DNAJC13: variants seen among roughly 807,000 people sequenced by gnomAD.
The protein encoded by DNAJC13 is DnaJ heat shock protein family (Hsp40) member C13.
DNAJC13 carries 75 observed loss-of-function variants against 290.5 expected under a neutral mutation model. That is an observed-to-expected ratio of 0.26 (90% confidence interval 0.21 to 0.31). The LOEUF (loss-of-function observed/expected upper bound fraction) is 0.31. DNAJC13 is among the 10% of genes least tolerant of loss of function. The probability of loss-of-function intolerance (pLI) is 1.00; values close to 1 mark genes in which losing one functional copy is unlikely to be tolerated. For missense variants in DNAJC13, 2,260 were observed against 2,674.5 expected, an observed-to-expected ratio of 0.85 and a Z score of 3.42; for synonymous variants, 862 against 892.0, an observed-to-expected ratio of 0.97 and a Z score of 0.60.
At chr3:132,419,120 T>A (rs893425235) in intron 1 of DNAJC13, among the ~76,000 whole-genome samples, 1 of 152,188 alleles carries the variant, frequency 6.6e-6, no homozygotes, top group Admixed American at 6.5e-5. Flanking sequence ...GCAACACACG[T>A]CCTTGTGTAG....
rs868379761 is a variant in DNAJC13, at chr3:132,427,102, T to C, written c.-13-7436T>C. Among the ~76,000 whole-genome samples, 216 of 136,074 alleles carry C rather than the reference T, an allele frequency of 1.6e-3. No homozygotes were observed. In the East Asian group the frequency reaches 0.017, roughly 11 times the overall value. The allele number at this position is 136,074 out of a possible 152,430, so 89.3% of individuals were successfully genotyped here. A position where few individuals can be genotyped will look rare whatever the true frequency, so the allele number is the denominator to read the frequency against. On this transcript the variant is annotated intron_variant, in intron 1 of 55. Transcript: ENST00000260818. Reference sequence around the variant, plus strand: ...GTGTGTGTGTGTGTGTGTGTGTGTGTGCACGTGTGTGTGTGTGTATATATA... The same window carrying C: ...GTGTGTGTGTGTGTGTGTGTGTGTGCGCACGTGTGTGTGTGTGTATATATA...
In DNAJC13 at chr3:132,525,660, A is replaced by G. The variant is rs146881465; in HGVS notation, c.6111A>G (p.Ala2037=). 1,781 of 1,614,202 alleles carry G rather than the reference A, an allele frequency of 1.1e-3. No homozygotes were observed. Among genetic ancestry groups the G allele is most frequent in the Non-Finnish European group, 1.4e-3 (1,681 of 1,180,016 alleles). The change falls in exon 52 of 56, where the codon GCA becomes GCG. Residue 2037 remains alanine (A), a synonymous_variant. Transcript: ENST00000260818. The part of the protein sequence containing the change: ...LTMATVCLFS[A]QPQLADQVPP... ...TGGCAACAGTGTGTCTCTTCAGCGCACAACCTCAGCTGGCAGATCAGGTCC... is the reference window on the plus strand; with the variant it reads ...TGGCAACAGTGTGTCTCTTCAGCGCGCAACCTCAGCTGGCAGATCAGGTCC...
Position 132,466,061 on chromosome 3 carries a change from A to T in DNAJC13, c.1959A>T (p.Lys653Asn), listed in dbSNP as rs771064998. 8.1e-6 allele frequency: 13 copies of T among 1,613,720 alleles called. No individual in the cohort carries two copies. The Admixed American group carries it at 2.2e-4, about 27-fold the overall frequency. The change falls in exon 18 of 56, where the codon AAA becomes AAT. Residue 653 changes from lysine (K) to asparagine (N), a missense_variant. Physicochemically the swap from Lys to Asn is moderately conservative, Grantham distance 94. Coordinates refer to ENST00000260818, the MANE Select transcript of DNAJC13 (RefSeq NM_015268.4). ...ATGCAACTGCAACAAACTTGTTGAA[A>T]CGCATTTTGGTAAGTCAGTTGAGAA... ...ADNATATNLL[K>N]RILPPGLLAY... is the part of the protein sequence containing the mutation.
chr3:132,528,957 T>TA (rs1184875780), intron 54 of DNAJC13, among the ~76,000 whole-genome samples: 2 of 152,174 alleles, frequency 1.3e-5, no homozygotes, highest in East Asian at 3.8e-4. Flanking sequence ...CATTTTTTTT[T>TA]AATTGACGTG....
intron 1 of DNAJC13, among the ~76,000 whole-genome samples, chr3:132,432,331 T>C (rs936709816): frequency 2.2e-4 from 33 of 152,126 alleles, no homozygotes; most frequent in Admixed American, 9.2e-4. Context: ...GCCTCCCGGG[T>C]AGCTGGGATT....
At chr3:132,505,011 A>G (rs912159271) in intron 41 of DNAJC13, among the ~76,000 whole-genome samples, 6 of 152,248 alleles carry the variant, frequency 3.9e-5, no homozygotes, top group African/African-American at 1.4e-4. Context: ...ACCATGGCAC[A>G]GCAGATTTTG....
At chr3:132,525,378 G>A (rs562693085) in intron 51 of DNAJC13, among the ~76,000 whole-genome samples, 72 of 152,254 alleles carry the variant, frequency 4.7e-4, no homozygotes, top group African/African-American at 1.4e-3. Context: ...ATACCTAACC[G>A]AGTAAAATCC....
chr3:132,471,014 A>G (rs1374721285), intron 20 of DNAJC13, among the ~76,000 whole-genome samples: 163 of 76,478 alleles, frequency 2.1e-3, no homozygotes, highest in Middle Eastern at 0.011. Context: ...GGCCGGGCGG[A>G]GGGCTGACCC....
At chr3:132,462,306 A>G (rs1181427514) in intron 15 of DNAJC13, among the ~76,000 whole-genome samples, 161 bp from the exon 16 acceptor site, 1 of 152,216 alleles carries the variant, frequency 6.6e-6, no homozygotes, top group East Asian at 1.9e-4. Context: ...TTGTAAAAAT[A>G]CCTAAAATAT....
At chr3:132,474,688 T>C (rs965816152) in intron 21 of DNAJC13, among the ~76,000 whole-genome samples, 8 of 151,918 alleles carry the variant, frequency 5.3e-5, no homozygotes, top group African/African-American at 1.9e-4. Context: ...CTTTCAAACA[T>C]ACAAAAGGTA....
chr3:132,518,499 C>T (rs1049505537), intron 48 of DNAJC13, among the ~76,000 whole-genome samples: 2 of 152,078 alleles, frequency 1.3e-5, no homozygotes, highest in South Asian at 2.1e-4. Context: ...ACTACAGGCA[C>T]GCACCACCAC....
Position 132,450,673 on chromosome 3 carries a change from G to C in DNAJC13, c.363G>C (p.Trp121Cys). The C allele has an allele frequency of 6.2e-7, 1 of 1,612,804 alleles. No individual in the cohort carries two copies. The highest frequency in any genetic ancestry group is 8.5e-7 in the Non-Finnish European group (1 of 1,179,254). Residue 121 changes from tryptophan to cysteine, a missense_variant, in exon 6 of 56, where the codon TGG (tryptophan) becomes TGC (cysteine). Coordinates refer to ENST00000260818, the MANE Select transcript of DNAJC13 (RefSeq NM_015268.4). ...GATACAACTGCTATAAGCATCACTG[G>C]AGTGACTCAAGAAAACCTGTAATTT... ...GRRYNCYKHH[W>C]SDSRKPVILE...
intron 1 of DNAJC13, among the ~76,000 whole-genome samples, chr3:132,427,480 G>A (rs1939130124): frequency 1.3e-5 from 2 of 152,034 alleles, no homozygotes; most frequent in South Asian, 4.1e-4. Context: ...AACATAAATT[G>A]TAACAATAAA....
chr3:132,425,674 T>G (rs1159910211), intron 1 of DNAJC13, among the ~76,000 whole-genome samples: 1 of 152,180 alleles, frequency 6.6e-6, no homozygotes, highest in African/African-American at 2.4e-5. Flanking sequence ...GTGTAAAAAT[T>G]ACTTCCAGTT....
At chr3:132,457,526 A>G (rs1376955651) in intron 13 of DNAJC13, 158 bp downstream of exon 13, 1 of 599,552 alleles carries the variant, frequency 1.7e-6, no homozygotes, top group Non-Finnish European at 2.9e-6. Context: ...TATCCTAAAT[A>G]CCAGGCAATG....
chr3:132,459,438 T>G (rs1371919234), intron 13 of DNAJC13, among the ~76,000 whole-genome samples: 1 of 152,156 alleles, frequency 6.6e-6, no homozygotes, highest in South Asian at 2.1e-4. Flanking sequence ...GAATGGGGAA[T>G]TATTGTTTAA....
At chr3:132,503,756 C>T (rs1278204374) in intron 41 of DNAJC13, among the ~76,000 whole-genome samples, 3 of 152,038 alleles carry the variant, frequency 2.0e-5, no homozygotes, top group South Asian at 2.1e-4. Flanking sequence ...TATTCAGACA[C>T]AGGGTTAAAA....
chr3:132,439,815 AG>A (rs1467957088), intron 2 of DNAJC13, among the ~76,000 whole-genome samples: 1 of 152,080 alleles, frequency 6.6e-6, no homozygotes, highest in Non-Finnish European at 1.5e-5. Flanking sequence ...TTCTTTTCTG[AG>A]GAGTACAACT....
intron 48 of DNAJC13, among the ~76,000 whole-genome samples, chr3:132,520,078 G>A (rs747920593): frequency 6.6e-6 from 1 of 152,100 alleles, no homozygotes; most frequent in Non-Finnish European, 1.5e-5. Flanking sequence ...ACCTCCCACC[G>A]CGTCCCTCCC....
Sources: allele counts gnomAD v4.1 joint callset (sites outside exome capture counted in the v4.1 genomes callset), GRCh38; gene constraint gnomAD v4.1.1; transcripts MANE v1.5; gene names NCBI Gene and HGNC (gene_info 2026-07-23, HGNC 2026-07-21).